The following LRRC66 variants were observed in gnomAD, a reference collection of about 807,000 sequenced individuals.
LRRC66 encodes leucine-rich repeat-containing protein 66.
Under a neutral mutation model 24.6 loss-of-function variants are expected in LRRC66, and 29 were observed. The ratio of observed to expected loss-of-function variants is 1.18; its 90% CI spans 0.88 to 1.61. The LOEUF (loss-of-function observed/expected upper bound fraction) is 1.61. LRRC66 is among the 40% of genes most tolerant of loss of function. The pLI, the probability that LRRC66 is intolerant of heterozygous loss-of-function variation, is 0.00. For missense variants in LRRC66, 1,124 were observed against 1,058.0 expected (o/e 1.06, Z -0.87); for synonymous variants, 411 against 397.6 (o/e 1.03, Z -0.40).
At chr4:52,017,086 T>A in intron 2 of LRRC66, 32 bp downstream of exon 2, 1 of 1,567,524 alleles carries the variant, frequency 6.4e-7, no homozygotes, top group Non-Finnish European at 8.6e-7. Context: ...CACGTAAGCA[T>A]TGTTTCTCTG....
chr4:51,995,885 C>A lies in LRRC66; in HGVS notation c.1137G>T (p.Val379=), dbSNP rs371549178. The change falls in exon 5 of 5, where the codon GTG becomes GTT. Residue 379 remains valine (V), a synonymous_variant. Coordinates refer to ENST00000682860, the MANE Select transcript of LRRC66 (RefSeq NM_001024611.3). Reference sequence around the variant, plus strand: ...GGAATGTGATGAACACTGACAGGCACACCGCCAGAGCCAGGTCCTGGGGAG... The same window carrying A: ...GGAATGTGATGAACACTGACAGGCAAACCGCCAGAGCCAGGTCCTGGGGAG... ...EDAPQDLALA[V]CLSVFITFLV... 109 of 1,614,162 alleles carry A rather than the reference C, an allele frequency of 6.8e-5. No homozygotes were observed. In the African/African-American group the frequency reaches 1.4e-3, roughly 20 times the overall value.
Position 52,003,394 on chromosome 4 carries a change from T to G in LRRC66, c.497-2A>C, listed in dbSNP as rs780147465. 95 of 1,605,390 alleles carry G rather than the reference T, an allele frequency of 5.9e-5. No homozygotes were observed. The highest frequency in any genetic ancestry group is 7.8e-5 in the Non-Finnish European group (92 of 1,176,710). ...GCAATGACTTCAGTTTCCACAGTCC[T>G]GTTAAAATGAAAAAGTAAGTTGAAA... On this transcript the variant is annotated splice_acceptor_variant, in intron 2 of 4. Transcript: ENST00000682860. LOFTEE classifies it high-confidence loss of function.
At chr4:52,004,210 T>C (rs1352225090) in intron 2 of LRRC66, among the ~76,000 whole-genome samples, 3 of 152,166 alleles carry the variant, frequency 2.0e-5, no homozygotes, top group Non-Finnish European at 4.4e-5. Flanking sequence ...GGTTTCACCA[T>C]GTTGGTCAGG....
At chr4:52,004,526 G>T (rs780348428) in intron 2 of LRRC66, among the ~76,000 whole-genome samples, 1 of 152,144 alleles carries the variant, frequency 6.6e-6, no homozygotes, top group Non-Finnish European at 1.5e-5. Flanking sequence ...AATAAATAAA[G>T]GTTGAGAAGG....
chr4:51,996,987 G>A (rs1578111564), intron 4 of LRRC66, among the ~76,000 whole-genome samples: 1 of 152,254 alleles, frequency 6.6e-6, no homozygotes, highest in East Asian at 1.9e-4. Context: ...ATGACATTAA[G>A]ACTTCTCTCT....
At chr4:51,998,179 T>C (rs1160201007) in intron 3 of LRRC66, among the ~76,000 whole-genome samples, 21 of 152,236 alleles carry the variant, frequency 1.4e-4, no homozygotes, top group Admixed American at 1.4e-3. Flanking sequence ...AAGCATTAAC[T>C]GTATGTGAAA....
chr4:51,994,304 G>A lies in LRRC66; in HGVS notation c.*75C>T, dbSNP rs1645291828. The A allele has an allele frequency of 3.0e-6, 4 of 1,337,374 alleles. No individual in the cohort carries two copies. Among genetic ancestry groups the A allele is most frequent in the East Asian group, 2.4e-5 (1 of 41,728 alleles). 82.8% of individuals were successfully genotyped at this position (1,337,374 alleles called of 1,614,324 possible). A position where few individuals can be genotyped will look rare whatever the true frequency, so the allele number is the denominator to read the frequency against. On this transcript the variant is annotated 3_prime_UTR_variant, in exon 5 of 5. Transcript: ENST00000682860. ...TCTCCTTCAGGATCTTGTTGTGAAG[G>A]CTTTAGTTTTCCCCTGCCATGATCT...
Position 51,995,300 on chromosome 4 carries a change from A to C in LRRC66, c.1722T>G (p.Asn574Lys). 1 of 1,614,192 alleles carries C rather than the reference A, an allele frequency of 6.2e-7. No individual in the cohort carries two copies. Among genetic ancestry groups the C allele is most frequent in the Non-Finnish European group, 8.5e-7 (1 of 1,180,038 alleles). ...CTCCGGAGAGGGAAGGGTCTAATTC[A>C]TTGGAATCATAACGGCTTGAGCCAG... The part of the protein sequence containing the change: ...AVSGSSRYDS[N>K]ELDPSLSGEI... The change falls in exon 5 of 5, where the codon AAT (asparagine) becomes AAG (lysine). Residue 574 changes from asparagine (N) to lysine (K), a missense_variant. By Grantham distance (94) the Asn-to-Lys change is moderately conservative. Coordinates refer to ENST00000682860, the MANE Select transcript of LRRC66 (RefSeq NM_001024611.3).
At chr4:52,004,925 G>A (rs1478012985) in intron 2 of LRRC66, among the ~76,000 whole-genome samples, 1 of 152,148 alleles carries the variant, frequency 6.6e-6, no homozygotes, top group Admixed American at 6.5e-5. Context: ...GTTTAATATG[G>A]TCCAATGATA....
At chr4:52,015,419 CTCGATGCCTTGTTAGAGTATACGAT>C (rs1165275065) in intron 2 of LRRC66, among the ~76,000 whole-genome samples, 2 of 152,100 alleles carry the variant, frequency 1.3e-5, no homozygotes, top group Non-Finnish European at 2.9e-5. Context: ...ATGCTCACCC[CTCGATGCCTTGTTAGAGTATACGAT>C]TCGATGCCTT....
rs1432704728 is a variant in LRRC66 at position 51,994,670 on chromosome 4, G to A, written c.2352C>T (p.Gly784=). 5.0e-6 allele frequency: 8 copies of A among 1,614,154 alleles called. No individual in the cohort carries two copies. The highest frequency in any genetic ancestry group is 5.9e-6 in the Non-Finnish European group (7 of 1,180,012). ...CATTTTCCAGATGAGTCTTGTACAT[G>A]CCAGAGTCTGGAGCAGAAATGAGAG... The part of the protein sequence containing the change: ...EKPLISAPDS[G]MYKTHLENAS... Residue 784 remains glycine, a synonymous_variant, in exon 5 of 5, where the codon GGC becomes GGT. Coordinates refer to ENST00000682860, the MANE Select transcript of LRRC66 (RefSeq NM_001024611.3).
chr4:52,002,976 A>C (rs1176293704), intron 3 of LRRC66, among the ~76,000 whole-genome samples: 3 of 152,212 alleles, frequency 2.0e-5, no homozygotes, highest in African/African-American at 7.2e-5. Context: ...TGATTTAGAA[A>C]AATAATGTGT....
chr4:52,012,484 C>T (rs1427682511), intron 2 of LRRC66, among the ~76,000 whole-genome samples: 5 of 152,090 alleles, frequency 3.3e-5, no homozygotes, highest in Non-Finnish European at 7.4e-5. Flanking sequence ...GTTTGTATAG[C>T]GTCTCTCAGG....
Position 51,995,067 on chromosome 4 carries a change from T to C in LRRC66, c.1955A>G (p.His652Arg), listed in dbSNP as rs1329053707. ...GARAEEALSA[H>R]YSEVPYGDPR... Reference sequence around the variant, plus strand: ...GTCACCGTATGGAACCTCGCTGTAGTGGGCTGAAAGCGCTTCCTCAGCCCT... The same window carrying C: ...GTCACCGTATGGAACCTCGCTGTAGCGGGCTGAAAGCGCTTCCTCAGCCCT... Residue 652 changes from histidine to arginine, a missense_variant, in exon 5 of 5, where the codon CAC (histidine) becomes CGC (arginine). His to Arg is a conservative substitution (Grantham distance 29, BLOSUM62 0). Transcript: ENST00000682860. 2 of 1,614,196 alleles carry C rather than the reference T, an allele frequency of 1.2e-6. No homozygotes were observed. Among genetic ancestry groups the C allele is most frequent in the African/African-American group, 1.3e-5 (1 of 75,062 alleles).
chr4:52,006,804 T>C lies in LRRC66; in HGVS notation c.497-3412A>G, dbSNP rs536514946. Among the ~76,000 whole-genome samples the C allele has an allele frequency of 2.6e-5, 4 of 151,906 alleles. No homozygotes were observed. In the South Asian group the frequency reaches 8.3e-4, roughly 32 times the overall value. ...TTTTTAAGCTCCTAATTGTGTACTC[T>C]TTATGCTCTAAGCATTTCACAGACA... On this transcript the variant is annotated intron_variant, in intron 2 of 4. Coordinates refer to ENST00000682860, the MANE Select transcript of LRRC66 (RefSeq NM_001024611.3).
chr4:52,001,074 G>T (rs548072747), intron 3 of LRRC66, among the ~76,000 whole-genome samples: 5 of 152,132 alleles, frequency 3.3e-5, no homozygotes, highest in Admixed American at 2.6e-4. Context: ...CACTGGAAAA[G>T]AAAACAGATA....
Position 51,997,871 on chromosome 4 carries a change from G to T in LRRC66, c.733C>A (p.Pro245Thr). The change falls in exon 4 of 5, where the codon CCC (proline) becomes ACC (threonine). Residue 245 changes from proline to threonine, a missense_variant. Transcript: ENST00000682860. ...TCAGCCAAGTCAACCACTAGATGGG[G>T]AAATTCTAGAGCTATGATCATCATT... is the stretch of plus-strand genomic sequence containing the variant. ...LPMMIIALEFPHLVVDLADNN... is the reference protein window; with the variant it reads ...LPMMIIALEFTHLVVDLADNN... 6.2e-7 allele frequency: 1 copy of T among 1,614,096 alleles called. No homozygotes were observed. Among genetic ancestry groups the T allele is most frequent in the Non-Finnish European group, 8.5e-7 (1 of 1,179,980 alleles).
rs1467894345 is a variant in LRRC66 at position 51,994,599 on chromosome 4, G to T, written c.2423C>A (p.Ser808Ter). The change falls in exon 5 of 5, where the codon TCA (serine) becomes TAA (stop). Residue 808 changes from serine (S) to a stop codon, truncating the protein, a stop_gained. Transcript: ENST00000682860. LOFTEE classifies it low-confidence loss of function (END_TRUNC). ...ATCCCCTAAGGGACTATTCCCTGGT[G>T]ACCTGGGCCAGGGTGACAGGCCCTC... ...RSEGLSPWPR[S>*]PGNSPLGDEF... 3.1e-6 allele frequency: 5 copies of T among 1,614,048 alleles called. No individual in the cohort carries two copies. In the African/African-American group the frequency reaches 5.3e-5, roughly 17 times the overall value.
Position 52,004,147 on chromosome 4 carries a change from C to T in LRRC66, c.497-755G>A, listed in dbSNP as rs564621281. On this transcript the variant is annotated intron_variant, in intron 2 of 4. Transcript: ENST00000682860. Reference sequence around the variant, plus strand: ...CCTCCTGAGTGGCTGGGATTACAGGCGCCTGCCACCATGCCAGGCTAATTT... The same window carrying T: ...CCTCCTGAGTGGCTGGGATTACAGGTGCCTGCCACCATGCCAGGCTAATTT... Among the ~76,000 whole-genome samples the T allele has an allele frequency of 1.4e-4, 22 of 152,214 alleles. No individual in the cohort carries two copies. The South Asian group carries it at 3.5e-3, about 24-fold the overall frequency.
Sources: gnomAD v4.1 joint callset for allele counts (sites outside exome capture counted in the v4.1 genomes callset) on GRCh38, gnomAD v4.1.1 for gene constraint, MANE v1.5 for transcripts, NCBI Gene and HGNC (gene_info 2026-07-23, HGNC 2026-07-21) for gene names.